Variants in THADA observed in about 807,000 individuals in gnomAD.
THADA encodes the protein tRNA (32-2'-O)-methyltransferase regulator THADA.
Under a neutral mutation model 219.8 loss-of-function variants are expected in THADA, and 213 were observed. The observed-to-expected ratio is 0.97, with a 90% CI of 0.87 to 1.09. The LOEUF is 1.09. THADA is among the 50% of genes least tolerant of loss of function. The probability of loss-of-function intolerance (pLI) is 0.00; values close to 1 mark genes in which losing one functional copy is unlikely to be tolerated. For missense variants in THADA, 2,956 were observed against 2,311.3 expected, an observed-to-expected ratio of 1.28 and a Z score of -5.72; for synonymous variants, 1,018 against 828.9, an observed-to-expected ratio of 1.23 and a Z score of -3.92.
At chr2:43,461,625 T>C (rs1289758879) in intron 26 of THADA, among the ~76,000 whole-genome samples, 2 of 152,150 alleles carry the variant, frequency 1.3e-5, no homozygotes, top group Non-Finnish European at 2.9e-5. Flanking sequence ...GAATGCAAAA[T>C]GAAAATACTG....
In THADA at chr2:43,518,432, C is replaced by G. The variant is rs114770276; in HGVS notation, c.3374+9447G>C. On this transcript the variant is annotated intron_variant, in intron 22 of 37. Coordinates refer to ENST00000405975, the MANE Select transcript of THADA (RefSeq NM_022065.5). ...ACATACCAGGGTTATAGTATTCATA[C>G]AAGAATATTTCCTACTGAAATCCCC... Among the ~76,000 whole-genome samples the G allele has an allele frequency of 8.2e-3, 1,247 of 152,270 alleles. 4 individuals are homozygous for G. The highest frequency in any genetic ancestry group is 0.021 in the South Asian group (100 of 4,828).
At chr2:43,283,000 G>A (rs1265473465) in intron 35 of THADA, among the ~76,000 whole-genome samples, 1 of 152,158 alleles carries the variant, frequency 6.6e-6, no homozygotes, top group East Asian at 1.9e-4. Context: ...TGGAGTGGAT[G>A]GTGGGAGGTG....
intron 28 of THADA, among the ~76,000 whole-genome samples, chr2:43,406,812 C>T (rs1180136899): frequency 1.3e-5 from 2 of 152,108 alleles, no homozygotes; most frequent in African/African-American, 2.4e-5. Context: ...CATGCAACAG[C>T]TGGAAAAGCA....
chr2:43,456,836 CAAGATACT>C (rs1178360132), intron 26 of THADA, among the ~76,000 whole-genome samples: 3 of 152,026 alleles, frequency 2.0e-5, no homozygotes, highest in African/African-American at 7.2e-5. Flanking sequence ...TCAACACACT[CAAGATACT>C]AAGATACTAA....
At chr2:43,585,777 T>C (rs1700958671) in intron 7 of THADA, among the ~76,000 whole-genome samples, 1 of 151,888 alleles carries the variant, frequency 6.6e-6, no homozygotes, top group Non-Finnish European at 1.5e-5. Flanking sequence ...ACTCACAAAA[T>C]AAAACAGGAT....
intron 29 of THADA, among the ~76,000 whole-genome samples, chr2:43,345,740 G>C (rs1462754754): frequency 6.6e-6 from 1 of 152,128 alleles, no homozygotes; most frequent in Non-Finnish European, 1.5e-5. Flanking sequence ...CCAACCACCA[G>C]GGCTTTTCAT....
At chr2:43,427,187 T>C (rs1678561979) in intron 28 of THADA, among the ~76,000 whole-genome samples, 1 of 152,252 alleles carries the variant, frequency 6.6e-6, no homozygotes, top group Non-Finnish European at 1.5e-5. Flanking sequence ...GCTCGCAGAC[T>C]CTTCCAGAGT....
chr2:43,252,371 C>T (rs571953121), intron 36 of THADA, among the ~76,000 whole-genome samples: 6 of 152,270 alleles, frequency 3.9e-5, no homozygotes, highest in African/African-American at 9.6e-5. Flanking sequence ...TCATTGCGAA[C>T]GTTTAGTGGG....
intron 14 of THADA, among the ~76,000 whole-genome samples, chr2:43,569,798 T>C (rs1699097801): frequency 6.6e-6 from 1 of 152,058 alleles, no homozygotes; most frequent in Admixed American, 6.5e-5. Context: ...GGAAGAACAG[T>C]GAAAAGCTCA....
intron 26 of THADA, among the ~76,000 whole-genome samples, chr2:43,481,953 A>G (rs1414543189): frequency 2.0e-5 from 3 of 152,196 alleles, no homozygotes; most frequent in African/African-American, 7.2e-5. Context: ...ACAGGGGCTA[A>G]AAGGAAAGAC....
chr2:43,586,137 T>A (rs1444959861), intron 7 of THADA, among the ~76,000 whole-genome samples: 1 of 151,956 alleles, frequency 6.6e-6, no homozygotes, highest in Non-Finnish European at 1.5e-5. Context: ...TGGTGGTGCA[T>A]GCCTGTAGTC....
At position 43,401,142 on chromosome 2, in the gene THADA, A is replaced by C. The variant is rs563130115; in HGVS notation, c.4059-3003T>G. Among the ~76,000 whole-genome samples the C allele has an allele frequency of 7.9e-5, 12 of 152,356 alleles. No homozygotes were observed. The Middle Eastern group carries it at 0.01, about 130-fold the overall frequency. On this transcript the variant is annotated intron_variant, in intron 28 of 37. Coordinates refer to ENST00000405975, the MANE Select transcript of THADA (RefSeq NM_022065.5). The stretch of plus-strand genomic sequence containing the variant: ...TAGGCCTGAATACTAGGTTCTCCAC[A>C]GAATCTGCAAGGTACACAGACACCA...
At chr2:43,551,718 GA>G (rs34461850) in intron 19 of THADA, 70 bp downstream of exon 19, 401,610 of 1,118,392 alleles carry the variant, frequency 0.36, 43,656 homozygotes, top group South Asian at 0.42. Context: ...AATACTTGGG[GA>G]AAAAAAAAAA....
rs777936830 is a variant in THADA, at chr2:43,578,632, C to T, written c.722-25G>A. ...TCTATTTGGCAAAAAAGGAGAGAAG[C>T]TTGTGTTAAATAATGAATATTCTGG... is the stretch of plus-strand genomic sequence containing the variant. On this transcript the variant is annotated intron_variant, in intron 8 of 37. Transcript: ENST00000405975. 7.9e-6 allele frequency: 12 copies of T among 1,517,180 alleles called. No individual in the cohort carries two copies. The Admixed American group carries it at 2.0e-4, about 25-fold the overall frequency. 94.0% of individuals were successfully genotyped at this position (1,517,180 alleles called of 1,614,324 possible).
intron 36 of THADA, among the ~76,000 whole-genome samples, chr2:43,258,980 T>C (rs1670645768): frequency 6.6e-6 from 1 of 152,040 alleles, no homozygotes; most frequent in African/African-American, 2.4e-5. Context: ...ATTCTGGAGG[T>C]TCTGTGGTGG....
chr2:43,392,064 T>C (rs1476135310), intron 29 of THADA: 1 of 152,182 alleles, frequency 6.6e-6, no homozygotes, highest in Non-Finnish European at 1.5e-5. Flanking sequence ...TGAAATAATA[T>C]TTTCGAGGCA....
intron 14 of THADA, among the ~76,000 whole-genome samples, chr2:43,569,224 G>T (rs755770911): frequency 1.3e-5 from 2 of 152,110 alleles, no homozygotes; most frequent in Non-Finnish European, 2.9e-5. Flanking sequence ...TGATCCTCCT[G>T]CCTCAACCTC....
intron 29 of THADA, among the ~76,000 whole-genome samples, chr2:43,344,593 T>C (rs1667426303): frequency 6.6e-6 from 1 of 152,238 alleles, no homozygotes; most frequent in African/African-American, 2.4e-5. Flanking sequence ...GAAAATAAAA[T>C]GTGCCTTTTA....
chr2:43,374,581 G>C lies in THADA; in HGVS notation c.4227+23390C>G, dbSNP rs553650973. On this transcript the variant is annotated intron_variant, in intron 29 of 37. Coordinates refer to ENST00000405975, the MANE Select transcript of THADA (RefSeq NM_022065.5). Reference sequence around the variant, plus strand: ...GATATAACCAATAAAAGTACCCACTGATAACAGCAATAAGAAATATTTTTA... The same window carrying C: ...GATATAACCAATAAAAGTACCCACTCATAACAGCAATAAGAAATATTTTTA... Among the ~76,000 whole-genome samples the C allele has an allele frequency of 3.9e-5, 6 of 152,250 alleles. No homozygotes were observed. In the South Asian group the frequency reaches 1.2e-3, roughly 32 times the overall value.
Sources: gnomAD v4.1 joint callset for allele counts (sites outside exome capture counted in the v4.1 genomes callset) on GRCh38, gnomAD v4.1.1 for gene constraint, MANE v1.5 for transcripts, NCBI Gene and HGNC (gene_info 2026-07-23, HGNC 2026-07-21) for gene names.